The following GPC6 variants were observed in gnomAD, a reference collection of about 807,000 sequenced individuals.
The protein encoded by GPC6 is glypican 6, also known as glypican-6.
In GPC6, 14 loss-of-function variants were observed where a neutral mutation model predicts 55.2. The observed-to-expected ratio is 0.25, with a 90% CI of 0.17 to 0.40. The LOEUF is 0.40. Ranked by LOEUF, GPC6 falls within the 10% of genes least tolerant of loss-of-function variation. GPC6 has a pLI of 1.00. For synonymous variants in GPC6, 278 were observed against 259.6 expected (o/e 1.07, Z -0.68); for missense variants, 641 against 708.5 (o/e 0.90, Z 1.08).
At chr13:93,310,993 C>T (rs1489411067) in intron 1 of GPC6, among the ~76,000 whole-genome samples, 1 of 152,108 alleles carries the variant, frequency 6.6e-6, no homozygotes, top group East Asian at 1.9e-4. Context: ...GAGTAGGTAG[C>T]TTACGTTATC....
chr13:94,041,579 A>G (rs1883534539), intron 4 of GPC6, among the ~76,000 whole-genome samples: 1 of 151,976 alleles, frequency 6.6e-6, no homozygotes, highest in Non-Finnish European at 1.5e-5. Flanking sequence ...TCTCTGTTTA[A>G]TTTAGAAATC....
At chr13:93,415,251 A>C (rs1420721077) in intron 1 of GPC6, among the ~76,000 whole-genome samples, 2 of 152,126 alleles carry the variant, frequency 1.3e-5, no homozygotes, top group Non-Finnish European at 2.9e-5. Flanking sequence ...CACTAAGTTC[A>C]GTTCCTGGAA....
intron 1 of GPC6, among the ~76,000 whole-genome samples, chr13:93,413,642 T>C (rs1321918497): frequency 6.6e-6 from 1 of 151,916 alleles, no homozygotes; most frequent in Non-Finnish European, 1.5e-5. Flanking sequence ...AATCATATGA[T>C]ATATTTGGAG....
At chr13:93,980,733 T>C (rs539429641) in intron 3 of GPC6, among the ~76,000 whole-genome samples, 7 of 152,160 alleles carry the variant, frequency 4.6e-5, no homozygotes, top group Admixed American at 4.6e-4. Flanking sequence ...GTGTCTTTTG[T>C]GTGTTTGGAT....
intron 2 of GPC6, among the ~76,000 whole-genome samples, chr13:93,691,107 G>T (rs1882241061): frequency 6.6e-6 from 1 of 152,080 alleles, no homozygotes; most frequent in South Asian, 2.1e-4. Flanking sequence ...CAAATAAAGA[G>T]AACACAGTAA....
rs1882094153 is a variant in GPC6 at position 93,687,572 on chromosome 13, A to G, written c.319+142151A>G. 2.6e-5 allele frequency among the ~76,000 whole-genome samples: 4 copies of G among 152,200 alleles called. No individual in the cohort carries two copies. In the South Asian group the frequency reaches 6.2e-4, roughly 24 times the overall value. ...TTAAATACTGCTAGAGCCATTTCTT[A>G]TTGGCCTTGACTTATTTGCTTAATC... On this transcript the variant is annotated intron_variant, in intron 2 of 8. Transcript: ENST00000377047.
chr13:93,789,509 CTATATATATA>C (rs201331720), intron 2 of GPC6, among the ~76,000 whole-genome samples: 7 of 93,480 alleles, frequency 7.5e-5, no homozygotes, highest in Non-Finnish European at 1.1e-4. Flanking sequence ...CTCTCTCTCT[CTATATATATA>C]TATATATATA....
chr13:93,943,161 A>G (rs1283556457), intron 3 of GPC6, among the ~76,000 whole-genome samples: 2 of 152,224 alleles, frequency 1.3e-5, no homozygotes, highest in Non-Finnish European at 2.9e-5. Flanking sequence ...ATACTGTTGC[A>G]TGAATGAATT....
chr13:93,944,804 C>T (rs1442853722), intron 3 of GPC6, among the ~76,000 whole-genome samples: 2 of 152,108 alleles, frequency 1.3e-5, no homozygotes, highest in Admixed American at 6.6e-5. Flanking sequence ...GTAGGTGTAT[C>T]GGAATTGGGA....
intron 1 of GPC6, among the ~76,000 whole-genome samples, chr13:93,382,726 C>G (rs1386247869): frequency 6.6e-6 from 1 of 152,134 alleles, no homozygotes; most frequent in Non-Finnish European, 1.5e-5. Flanking sequence ...GAATATCATT[C>G]AAGTCTTTAG....
intron 1 of GPC6, among the ~76,000 whole-genome samples, chr13:93,409,740 GATA>G (rs1876426000): frequency 6.6e-6 from 1 of 152,170 alleles, no homozygotes; most frequent in African/African-American, 2.4e-5. Context: ...CCTTATGTGT[GATA>G]CTTTAAGCTC....
intron 1 of GPC6, among the ~76,000 whole-genome samples, chr13:93,410,149 T>C (rs964296689): frequency 2.0e-5 from 3 of 152,182 alleles, no homozygotes; most frequent in Non-Finnish European, 2.9e-5. Context: ...TGCTGACCTG[T>C]TAATCATTTT....
intron 4 of GPC6, among the ~76,000 whole-genome samples, chr13:94,169,000 T>G (rs1888467943): frequency 6.6e-6 from 1 of 152,126 alleles, no homozygotes; most frequent in South Asian, 2.1e-4. Context: ...AAGTTCCACT[T>G]ATGACAACAG....
intron 6 of GPC6, among the ~76,000 whole-genome samples, chr13:94,360,252 G>A (rs1878996200): frequency 6.6e-6 from 1 of 152,156 alleles, no homozygotes; most frequent in Admixed American, 6.6e-5. Flanking sequence ...ATGGTATTGT[G>A]CATCTAGAAT....
chr13:93,295,052 C>G (rs1460518193), intron 1 of GPC6, among the ~76,000 whole-genome samples: 3 of 139,014 alleles, frequency 2.2e-5, no homozygotes, highest in Non-Finnish European at 4.5e-5. Context: ...GGGCAGATTG[C>G]TTGAGCCTCA....
chr13:93,968,448 G>T (rs1244652991), intron 3 of GPC6, among the ~76,000 whole-genome samples: 1 of 152,004 alleles, frequency 6.6e-6, no homozygotes, highest in Non-Finnish European at 1.5e-5. Flanking sequence ...TCACAAATCA[G>T]TTCACTTGTA....
At chr13:93,497,964 T>C (rs1880370562) in intron 1 of GPC6, among the ~76,000 whole-genome samples, 1 of 152,220 alleles carries the variant, frequency 6.6e-6, no homozygotes, top group African/African-American at 2.4e-5. Context: ...TGGGGTAGAC[T>C]GTGCTCAAAT....
intron 5 of GPC6, among the ~76,000 whole-genome samples, chr13:94,290,959 A>G (rs1375741360): frequency 2.0e-5 from 3 of 152,242 alleles, no homozygotes; most frequent in Non-Finnish European, 4.4e-5. Context: ...TGGGAGGCCC[A>G]GGTGGGCAGA....
chr13:94,083,866 T>G lies in GPC6; in HGVS notation c.877+55972T>G, dbSNP rs112164340. ...ACACAGGACCCAGATATGAATGTCT[T>G]TCTACCAATCTTTGTCTACTGACAT... is the stretch of plus-strand genomic sequence containing the variant. On this transcript the variant is annotated intron_variant, in intron 4 of 8. Transcript: ENST00000377047. Among the ~76,000 whole-genome samples the G allele has an allele frequency of 5.2e-3, 786 of 152,372 alleles. 8 individuals are homozygous for G. Among genetic ancestry groups the G allele is most frequent in the African/African-American group, 0.018 (757 of 41,594 alleles).
Sources: gnomAD v4.1 joint callset for allele counts (sites outside exome capture counted in the v4.1 genomes callset) on GRCh38, gnomAD v4.1.1 for gene constraint, MANE v1.5 for transcripts, NCBI Gene and HGNC (gene_info 2026-07-23, HGNC 2026-07-21) for gene names.